CCDC51: variants seen among roughly 807,000 people sequenced by gnomAD.
CCDC51 encodes the protein mitochondrial potassium channel.
Under a neutral mutation model 24.8 loss-of-function variants are expected in CCDC51, and 25 were observed. The ratio of observed to expected loss-of-function variants is 1.01; its 90% CI spans 0.73 to 1.41. The LOEUF (loss-of-function observed/expected upper bound fraction) is 1.41. Among genes scored for constraint, CCDC51 ranks in the 40% most tolerant of loss-of-function variants. The pLI, the probability that CCDC51 is intolerant of heterozygous loss-of-function variation, is 0.00. For synonymous variants in CCDC51, 190 were observed against 204.3 expected (o/e 0.93, Z 0.60); for missense variants, 466 against 519.1 (o/e 0.90, Z 0.99).
At chr3:48,438,981 T>C (rs1158944916) in intron 1 of CCDC51, among the ~76,000 whole-genome samples, 5 of 152,154 alleles carry the variant, frequency 3.3e-5, no homozygotes, top group Admixed American at 2.6e-4. Context: ...ACGCACCAAG[T>C]TGTCCCCAGC....
At position 48,432,573 on chromosome 3, in the gene CCDC51, C is replaced by T. The variant is rs757664713; in HGVS notation, c.1071G>A (p.Met357Ile). 6 of 1,614,260 alleles carry T rather than the reference C, an allele frequency of 3.7e-6. No homozygotes were observed. Among genetic ancestry groups the T allele is most frequent in the Non-Finnish European group, 4.2e-6 (5 of 1,180,042 alleles). Residue 357 changes from methionine (M) to isoleucine (I), a missense_variant, in exon 4 of 4, where the codon ATG becomes ATA. Met to Ile is a conservative substitution (Grantham distance 10). Transcript: ENST00000395694. ...PGLVEPADGA[M>I]PSFLLEQGSM... ...TCCCCTGCTCCAGCAAGAAGCTGGG[C>T]ATAGCCCCGTCTGCTGGTTCCACCA...
chr3:48,433,115 C>G lies in CCDC51; in HGVS notation c.529G>C (p.Glu177Gln), dbSNP rs2039239025. The change falls in exon 4 of 4, where the codon GAG becomes CAG. Residue 177 changes from glutamate to glutamine, a missense_variant. Physicochemically the swap from Glu to Gln is conservative, Grantham distance 29 (BLOSUM62 2). Transcript: ENST00000395694. The surrounding 1 kb of genome is among the most constrained non-coding windows in gnomAD (Gnocchi z 4.4). Reference sequence around the variant, plus strand: ...GCTGCAGAGAAGAGGGAGAACTTCTCTCGCTCAGAGTCTTCTGCACGCAGA... The same window carrying G: ...GCTGCAGAGAAGAGGGAGAACTTCTGTCGCTCAGAGTCTTCTGCACGCAGA... ...AYLRAEDSER[E>Q]KFSLFSAAVR... 1.2e-6 allele frequency: 2 copies of G among 1,613,784 alleles called. No homozygotes were observed. The highest frequency in any genetic ancestry group is 1.7e-6 in the Non-Finnish European group (2 of 1,179,984).
Position 48,435,219 on chromosome 3 carries a change from G to C in CCDC51, c.-8-83C>G. 8.9e-7 allele frequency: 1 copy of C among 1,117,616 alleles called. No individual in the cohort carries two copies. Among genetic ancestry groups the C allele is most frequent in the Non-Finnish European group, 1.2e-6 (1 of 800,194 alleles). 69.2% of individuals were successfully genotyped at this position (1,117,616 alleles called of 1,614,324 possible). On this transcript the variant is annotated intron_variant, in intron 1 of 3. Transcript: ENST00000395694. The surrounding 1 kb of genome is among the most constrained non-coding windows in gnomAD (Gnocchi z 4.2). ...AGTTTTGAGGCCTAGGGACAGTTCT[G>C]AACAGACTAATCCCCACTCAAATCA... is the stretch of plus-strand genomic sequence containing the variant.
At position 48,433,933 on chromosome 3, in the gene CCDC51, C is replaced by A; in HGVS notation, c.313-62G>T. ...CTCCACACCCACACAGGCTCAGCTG[C>A]ATTCCCAGCAAGGCATTCCCAGAAG... On this transcript the variant is annotated intron_variant, in intron 2 of 3. Transcript: ENST00000395694. The surrounding 1 kb of genome is among the most constrained non-coding windows in gnomAD (Gnocchi z 4.4). The A allele has an allele frequency of 6.4e-7, 1 of 1,566,184 alleles. No homozygotes were observed. Among genetic ancestry groups the A allele is most frequent in the Admixed American group, 1.8e-5 (1 of 54,922 alleles).
At chr3:48,436,212 G>A (rs376482805) in intron 1 of CCDC51, among the ~76,000 whole-genome samples, 6 of 152,294 alleles carry the variant, frequency 3.9e-5, no homozygotes, top group South Asian at 2.1e-4. Context: ...AACAGACCAC[G>A]CCACAGAGAG....
In CCDC51 at chr3:48,435,891, T is replaced by C. The variant is rs2039337715; in HGVS notation, c.-8-755A>G. 6.6e-6 allele frequency among the ~76,000 whole-genome samples: 1 copy of C among 152,198 alleles called. No individual in the cohort carries two copies. The highest frequency in any genetic ancestry group is 2.4e-5 in the African/African-American group (1 of 41,456). ...ACTCTCAGTCTCACACTTCACGACTTCCATAAGCTTTCTCTTTCCTCTCCA... is the reference window on the plus strand; with the variant it reads ...ACTCTCAGTCTCACACTTCACGACTCCCATAAGCTTTCTCTTTCCTCTCCA... On this transcript the variant is annotated intron_variant, in intron 1 of 3. Coordinates refer to ENST00000395694, the MANE Select transcript of CCDC51 (RefSeq NM_001256964.2). The surrounding 1 kb of genome is among the most constrained non-coding windows in gnomAD (Gnocchi z 4.2).
chr3:48,445,390 G>T (rs1266345642), upstream of CCDC51, among the ~76,000 whole-genome samples: 1 of 152,220 alleles, frequency 6.6e-6, no homozygotes, highest in Admixed American at 6.5e-5. Flanking sequence ...GCAGGGGGAA[G>T]CCTGTGTTGG....
At chr3:48,439,213 A>G (rs1433824669) in intron 1 of CCDC51, among the ~76,000 whole-genome samples, 1 of 152,238 alleles carries the variant, frequency 6.6e-6, no homozygotes, top group Non-Finnish European at 1.5e-5. Flanking sequence ...CTTTGGTTAT[A>G]GTCTGTCTCA....
chr3:48,440,077 C>A lies in CCDC51; in HGVS notation c.-98G>T. 1.4e-6 allele frequency: 1 copy of A among 729,388 alleles called. No homozygotes were observed. The highest frequency in any genetic ancestry group is 2.2e-6 in the Non-Finnish European group (1 of 463,828). The allele number at this position is 729,388 out of a possible 1,614,324, so 45.2% of individuals were successfully genotyped here. Reference sequence around the variant, plus strand: ...CGGTTCCGATTCTACCCTGGCAGGACAACCCTAGCTCCTCGTACCTGGCGT... The same window carrying A: ...CGGTTCCGATTCTACCCTGGCAGGAAAACCCTAGCTCCTCGTACCTGGCGT... On this transcript the variant is annotated 5_prime_UTR_variant, in exon 1 of 4. Transcript: ENST00000395694.
chr3:48,436,325 C>A (rs575933232), intron 1 of CCDC51, among the ~76,000 whole-genome samples: 1 of 152,318 alleles, frequency 6.6e-6, no homozygotes, highest in African/African-American at 2.4e-5. Context: ...AGGCTCCCCA[C>A]AGCACCCTAG....
chr3:48,439,680 T>C (rs2039493411), intron 1 of CCDC51, among the ~76,000 whole-genome samples: 1 of 152,132 alleles, frequency 6.6e-6, no homozygotes, highest in Non-Finnish European at 1.5e-5. Flanking sequence ...TTGCATACCA[T>C]ATAATTCACC....
chr3:48,445,649 G>A, the CCDC51 span, among the ~76,000 whole-genome samples: 3 of 152,202 alleles, frequency 2.0e-5, no homozygotes, highest in South Asian at 2.1e-4. Flanking sequence ...GCTATCTGAC[G>A]GAGACTACCA....
rs2039235706 is a variant in CCDC51, at chr3:48,433,065, C to T, written c.579G>A (p.Glu193=). The T allele has an allele frequency of 1.2e-6, 2 of 1,614,196 alleles. No homozygotes were observed. The highest frequency in any genetic ancestry group is 8.5e-7 in the Non-Finnish European group (1 of 1,180,038). ...SAAVRESHEK[E]RTRAERTKNW... ...TCTTGGTCCTCTCAGCCCTTGTGCG[C>T]TCCTTCTCATGACTTTCCCGCACAG... The change falls in exon 4 of 4, where the codon GAG becomes GAA. Residue 193 remains glutamate (E), a synonymous_variant. Coordinates refer to ENST00000395694, the MANE Select transcript of CCDC51 (RefSeq NM_001256964.2). The surrounding 1 kb of genome is among the most constrained non-coding windows in gnomAD (Gnocchi z 4.4).
chr3:48,443,241 CAAAAAAAAAAAAAAAA>C (rs3082576), upstream of CCDC51, among the ~76,000 whole-genome samples: 1 of 70,534 alleles, frequency 1.4e-5, no homozygotes, highest in Admixed American at 1.7e-4. Flanking sequence ...ACTCCATCTC[CAAAAAAAAAAAAAAAA>C]AAAAAAAATG....
At chr3:48,440,367 G>T, upstream of CCDC51, 1 of 1,611,754 alleles carries the variant, frequency 6.2e-7, no homozygotes, top group Non-Finnish European at 8.5e-7. Flanking sequence ...GGACCGGGCG[G>T]CAGGGGCAGG....
At chr3:48,446,483 TC>T in the CCDC51 span, 1 of 189,342 alleles carries the variant, frequency 5.3e-6, no homozygotes, top group East Asian at 1.3e-4. Context: ...GGCAGGCTGC[TC>T]CTGCGCGGCC....
chr3:48,434,009 C>G (rs1575423358), intron 2 of CCDC51, 138 bp from the exon 3 acceptor site: 28 of 1,442,460 alleles, frequency 1.9e-5, no homozygotes, highest in Middle Eastern at 1.9e-4. Flanking sequence ...TCCTTAGACA[C>G]TAATCCTGGC....
upstream of CCDC51, among the ~76,000 whole-genome samples, chr3:48,442,491 G>A (rs1443892683): frequency 4.4e-5 from 6 of 135,238 alleles, no homozygotes; most frequent in East Asian, 2.1e-4. Context: ...TCACTCTGTC[G>A]CCCAGGCTGG....
upstream of CCDC51, chr3:48,440,766 T>C (rs1051592995): frequency 1.7e-5 from 13 of 759,240 alleles, no homozygotes; most frequent in Non-Finnish European, 4.3e-6. Flanking sequence ...GAATGGTCTC[T>C]AGCCAGTCTA....
Sources: allele counts gnomAD v4.1 joint callset (sites outside exome capture counted in the v4.1 genomes callset), GRCh38; gene constraint gnomAD v4.1.1; non-coding constraint Gnocchi (gnomAD v3.1); transcripts MANE v1.5; gene names NCBI Gene and HGNC (gene_info 2026-07-23, HGNC 2026-07-21).